The following CFC1 variants were observed in gnomAD, a reference collection of about 807,000 sequenced individuals.
CFC1 encodes cryptic, EGF-CFC family member 1, also known as cryptic protein.
For synonymous variants in CFC1, 8 were observed against 50.7 expected (o/e 0.16, Z 3.58); for missense variants, 14 against 120.0 (o/e 0.12, Z 4.13).
chr2:130,594,032 C>G (rs1212366912), intron 5 of CFC1, among the ~76,000 whole-genome samples: 498 of 144,800 alleles, frequency 3.4e-3, no homozygotes, highest in Non-Finnish European at 4.5e-3. Context: ...CCTGACCAGG[C>G]CTGCCCTGCC....
Position 130,593,093 on chromosome 2 carries a change from AC to A in CFC1, c.473-18del, listed in dbSNP as rs1684863076. The A allele has an allele frequency of 2.0e-6, 1 of 500,606 alleles. No individual in the cohort carries two copies. 31.0% of individuals were successfully genotyped at this position (500,606 alleles called of 1,614,324 possible). A position where few individuals can be genotyped will look rare whatever the true frequency, so the allele number is the denominator to read the frequency against. On this transcript the variant is annotated intron_variant, in intron 5 of 5. Coordinates refer to ENST00000259216, the MANE Select transcript of CFC1 (RefSeq NM_032545.4). ...CTTTCGGGTCTGGAAAAACAGAGAAACCGGAGATGTATGAAATAAAGTGTTC... is the reference window on the plus strand; with the variant it reads ...CTTTCGGGTCTGGAAAAACAGAGAAACGGAGATGTATGAAATAAAGTGTTC...
chr2:130,594,362 T>C (rs1474356239), intron 5 of CFC1, among the ~76,000 whole-genome samples: 1 of 144,918 alleles, frequency 6.9e-6, no homozygotes, highest in Non-Finnish European at 1.5e-5. Flanking sequence ...TGTGAAGCTA[T>C]TCAGGTGAGA....
At chr2:130,596,720 AG>A (rs1205246278) in intron 5 of CFC1, among the ~76,000 whole-genome samples, 5 of 145,812 alleles carry the variant, frequency 3.4e-5, no homozygotes. Context: ...CAAGAGCAAG[AG>A]GGAGGCTGGG....
At chr2:130,593,478 A>G (rs1330031965) in intron 5 of CFC1, among the ~76,000 whole-genome samples, 1 of 152,054 alleles carries the variant, frequency 6.6e-6, no homozygotes, top group Admixed American at 6.5e-5. Context: ...TGCTGCAACA[A>G]AGGTTCCACT....
chr2:130,596,558 TGAG>T (rs1320817603), intron 5 of CFC1, among the ~76,000 whole-genome samples: 2 of 150,222 alleles, frequency 1.3e-5, no homozygotes, highest in Non-Finnish European at 1.5e-5. Context: ...CAGAGCTAGC[TGAG>T]GAGAAGGGAG....
intron 5 of CFC1, among the ~76,000 whole-genome samples, chr2:130,595,856 T>C (rs1454383372): frequency 8.8e-5 from 12 of 136,136 alleles, no homozygotes; most frequent in Non-Finnish European, 1.4e-4. Flanking sequence ...ACCTACTTCA[T>C]TGGCTTTCAT....
At chr2:130,598,576 G>T in intron 3 of CFC1, 66 bp downstream of exon 3, 1 of 1,557,822 alleles carries the variant, frequency 6.4e-7, no homozygotes, top group African/African-American at 1.4e-5. Flanking sequence ...ATATTCTCAG[G>T]TCCTAAACTC....
At chr2:130,594,312 G>A (rs1290966363) in intron 5 of CFC1, among the ~76,000 whole-genome samples, 1 of 147,508 alleles carries the variant, frequency 6.8e-6, no homozygotes, top group Non-Finnish European at 1.5e-5. Flanking sequence ...GCTCAGACGA[G>A]GCTCCAGAGA....
chr2:130,598,534 T>G, intron 3 of CFC1, 108 bp downstream of exon 3: 1 of 1,496,372 alleles, frequency 6.7e-7, no homozygotes, highest in Non-Finnish European at 9.1e-7. Context: ...AACAAAATGC[T>G]CTCCTTGGAT....
chr2:130,596,469 C>T (rs1293280380), intron 5 of CFC1, among the ~76,000 whole-genome samples: 1 of 149,672 alleles, frequency 6.7e-6, no homozygotes, highest in Non-Finnish European at 1.5e-5. Flanking sequence ...GCAAAAGGAG[C>T]ACACATAGAA....
rs557012636 is a variant in CFC1 at position 130,593,335 on chromosome 2, G to A, written c.473-259C>T. Among the ~76,000 whole-genome samples the A allele has an allele frequency of 2.0e-5, 3 of 152,416 alleles. No individual in the cohort carries two copies. In the East Asian group the frequency reaches 5.8e-4, roughly 29 times the overall value. ...ACAGTACTGTGTTTAAAGGGGGAACGAAGAACAGCCCTTCCGTCTTTTTCA... is the reference window on the plus strand; with the variant it reads ...ACAGTACTGTGTTTAAAGGGGGAACAAAGAACAGCCCTTCCGTCTTTTTCA... On this transcript the variant is annotated intron_variant, in intron 5 of 5. Coordinates refer to ENST00000259216, the MANE Select transcript of CFC1 (RefSeq NM_032545.4).
At chr2:130,595,917 G>T (rs1326133228) in intron 5 of CFC1, among the ~76,000 whole-genome samples, 2 of 94,032 alleles carry the variant, frequency 2.1e-5, no homozygotes, top group Non-Finnish European at 3.9e-5. Flanking sequence ...TACACTGAGG[G>T]CTCCTCTCAT....
intron 5 of CFC1, among the ~76,000 whole-genome samples, chr2:130,595,760 T>G (rs1684948750): frequency 6.6e-6 from 1 of 150,910 alleles, no homozygotes; most frequent in Non-Finnish European, 1.5e-5. Context: ...ACTACAGGAA[T>G]GGCACAAGGT....
chr2:130,593,276 ATGTT>A (rs1293287141), intron 5 of CFC1, among the ~76,000 whole-genome samples, 200 bp from the exon 6 acceptor site: 22 of 152,232 alleles, frequency 1.4e-4, no homozygotes, highest in Admixed American at 3.9e-4. Flanking sequence ...AAGCCTCTAA[ATGTT>A]TGTAGAACTC....
At position 130,595,713 on chromosome 2, in the gene CFC1, G is replaced by A. The variant is rs551497907; in HGVS notation, c.472+1781C>T. ...AGACTGCGCCACTGCACCCCAGCCC[G>A]GGCGACAGAGTGAGACTCCATCTCA... On this transcript the variant is annotated intron_variant, in intron 5 of 5. Transcript: ENST00000259216. Among the ~76,000 whole-genome samples, 28 of 151,130 alleles carry A rather than the reference G, an allele frequency of 1.9e-4. No individual in the cohort carries two copies. The East Asian group carries it at 2.7e-3, about 15-fold the overall frequency.
At chr2:130,596,880 G>A (rs1224814841) in intron 5 of CFC1, among the ~76,000 whole-genome samples, 2 of 147,798 alleles carry the variant, frequency 1.4e-5, no homozygotes, top group East Asian at 1.9e-4. Context: ...GTGGAGGGAG[G>A]GGGCAGGAGA....
chr2:130,594,322 A>G (rs1296862929), intron 5 of CFC1, among the ~76,000 whole-genome samples: 1 of 146,714 alleles, frequency 6.8e-6, no homozygotes, highest in Non-Finnish European at 1.5e-5. Context: ...GGCTCCAGAG[A>G]AGCTGGTGCT....
intron 5 of CFC1, among the ~76,000 whole-genome samples, chr2:130,596,574 G>C: frequency 6.7e-6 from 1 of 150,040 alleles, no homozygotes; most frequent in Non-Finnish European, 1.5e-5. Flanking sequence ...GAAGGGAGCA[G>C]GGTGGGAAGT....
At chr2:130,593,502 G>A (rs1684874742) in intron 5 of CFC1, among the ~76,000 whole-genome samples, 1 of 152,036 alleles carries the variant, frequency 6.6e-6, no homozygotes, top group Admixed American at 6.5e-5. Flanking sequence ...CCCCAAATGA[G>A]TGCTCGAAAT....
Sources: gnomAD v4.1 joint callset for allele counts (sites outside exome capture counted in the v4.1 genomes callset) on GRCh38, gnomAD v4.1.1 for gene constraint, MANE v1.5 for transcripts, NCBI Gene and HGNC (gene_info 2026-07-23, HGNC 2026-07-21) for gene names.